TANK: variants seen among roughly 807,000 people sequenced by gnomAD.
TANK encodes the protein TRAF family member-associated NF-kappa-B activator.
In TANK, 15 loss-of-function variants were observed where a neutral mutation model predicts 43.6. The ratio of observed to expected loss-of-function variants is 0.34; its 90% CI spans 0.23 to 0.53. The LOEUF (loss-of-function observed/expected upper bound fraction) is 0.53, where lower values mean the gene tolerates loss of function less well. Among genes scored for constraint, TANK ranks in the 20% least tolerant of loss-of-function variants. TANK has a pLI of 0.94. For synonymous variants in TANK, 162 were observed against 178.2 expected, an observed-to-expected ratio of 0.91 and a Z score of 0.73; for missense variants, 417 against 498.6, an observed-to-expected ratio of 0.84 and a Z score of 1.56.
At chr2:161,187,352 C>T (rs1287018380) in intron 2 of TANK, among the ~76,000 whole-genome samples, 1 of 152,106 alleles carries the variant, frequency 6.6e-6, no homozygotes, top group Non-Finnish European at 1.5e-5. Context: ...TTGGTTGAGC[C>T]CTAGAAGTGG....
At chr2:161,173,597 A>G (rs1019865973) in intron 1 of TANK, among the ~76,000 whole-genome samples, 4 of 151,038 alleles carry the variant, frequency 2.6e-5, no homozygotes, top group Admixed American at 1.3e-4. Context: ...AAATGCTTAT[A>G]CCTGTGCTAC....
At chr2:161,200,589 AC>A in intron 2 of TANK, 1 of 958,762 alleles carries the variant, frequency 1.0e-6, no homozygotes, top group Non-Finnish European at 1.2e-6. Flanking sequence ...CTTTTTTCTA[AC>A]GGTATAAGCT....
chr2:161,181,624 G>C (rs775973159), intron 2 of TANK, among the ~76,000 whole-genome samples: 1 of 152,068 alleles, frequency 6.6e-6, no homozygotes, highest in Admixed American at 6.6e-5. Flanking sequence ...AAGGAGGGGG[G>C]GATGTGCCAC....
intron 1 of TANK, chr2:161,160,773 C>A: frequency 1.8e-6 from 1 of 563,386 alleles, no homozygotes; most frequent in Non-Finnish European, 3.5e-6. Context: ...AGGGACTCGT[C>A]CCGGCTGCTT....
At chr2:161,141,283 C>G (rs1295641732) in intron 1 of TANK, among the ~76,000 whole-genome samples, 1 of 152,154 alleles carries the variant, frequency 6.6e-6, no homozygotes, top group Non-Finnish European at 1.5e-5. Context: ...TGCATATATT[C>G]TGAATGTTTC....
In TANK at chr2:161,235,962, A is replaced by C. The variant is rs1314297864; in HGVS notation, c.*444A>C. 1.3e-5 allele frequency: 2 copies of C among 152,530 alleles called. No homozygotes were observed. The highest frequency in any genetic ancestry group is 6.5e-5 in the Admixed American group (1 of 15,318). The allele number at this position is 152,530 out of a possible 1,614,324, so 9.4% of individuals were successfully genotyped here. Reference sequence around the variant, plus strand: ...ATTGAAAAATTTAATTATTTATGCTATAGGTGATATTCTCTTTGAATAAAC... The same window carrying C: ...ATTGAAAAATTTAATTATTTATGCTCTAGGTGATATTCTCTTTGAATAAAC... On this transcript the variant is annotated 3_prime_UTR_variant, in exon 8 of 8. Coordinates refer to ENST00000392749, the MANE Select transcript of TANK (RefSeq NM_001199135.3).
intron 7 of TANK, among the ~76,000 whole-genome samples, chr2:161,235,059 G>T (rs1688114863): frequency 6.7e-6 from 1 of 150,288 alleles, no homozygotes; most frequent in African/African-American, 2.5e-5. Context: ...TTGTGATCGA[G>T]TATTAAAAAT....
intron 2 of TANK, among the ~76,000 whole-genome samples, chr2:161,189,893 T>G (rs1335648296): frequency 6.6e-6 from 1 of 152,032 alleles, no homozygotes; most frequent in African/African-American, 2.4e-5. Flanking sequence ...AGAAGAAATC[T>G]TAGGGGGAAA....
intron 1 of TANK, among the ~76,000 whole-genome samples, chr2:161,143,908 C>A (rs1683825655): frequency 6.6e-6 from 1 of 151,980 alleles, no homozygotes; most frequent in South Asian, 2.1e-4. Flanking sequence ...CTCTTTGTAC[C>A]TCTGGTAGAA....
intron 1 of TANK, among the ~76,000 whole-genome samples, chr2:161,167,249 G>A (rs1019293906): frequency 2.6e-5 from 4 of 152,142 alleles, no homozygotes; most frequent in African/African-American, 9.7e-5. Context: ...CTCTTCAAAC[G>A]TGGAATTCCA....
intron 4 of TANK, chr2:161,212,603 T>A: frequency 1.0e-6 from 1 of 985,414 alleles, no homozygotes; most frequent in South Asian, 4.7e-5. Flanking sequence ...CCTTCTAAAT[T>A]GTCTTTCCTA....
chr2:161,230,448 T>G (rs1208220174), intron 6 of TANK, among the ~76,000 whole-genome samples: 1 of 152,258 alleles, frequency 6.6e-6, no homozygotes, highest in Non-Finnish European at 1.5e-5. Context: ...CTTCACTGTC[T>G]TCTTTTTCCC....
intron 2 of TANK, among the ~76,000 whole-genome samples, chr2:161,187,871 C>T (rs1685735853): frequency 6.6e-6 from 1 of 151,904 alleles, no homozygotes; most frequent in Non-Finnish European, 1.5e-5. Flanking sequence ...TTTCTAATCA[C>T]AATGAAATGA....
chr2:161,180,578 A>G (rs897423733), intron 2 of TANK, among the ~76,000 whole-genome samples: 3 of 152,176 alleles, frequency 2.0e-5, no homozygotes, highest in South Asian at 2.1e-4. Context: ...TTATTAACAT[A>G]TACTTTTGTG....
At chr2:161,211,195 C>T (rs1326116319) in intron 4 of TANK, among the ~76,000 whole-genome samples, 1 of 152,174 alleles carries the variant, frequency 6.6e-6, no homozygotes, top group Non-Finnish European at 1.5e-5. Flanking sequence ...AGTACATGAA[C>T]TTGAACTCTG....
chr2:161,167,963 G>A (rs1441856387), intron 1 of TANK, among the ~76,000 whole-genome samples: 1 of 152,028 alleles, frequency 6.6e-6, no homozygotes, highest in Non-Finnish European at 1.5e-5. Flanking sequence ...CAAAGAATGG[G>A]CTGATACTAA....
At chr2:161,150,741 C>T (rs1023157853) in intron 1 of TANK, among the ~76,000 whole-genome samples, 2 of 151,960 alleles carry the variant, frequency 1.3e-5, no homozygotes, top group Non-Finnish European at 2.9e-5. Context: ...CACACGCATA[C>T]CACCACACCG....
chr2:161,201,548 A>G (rs1199882658), intron 2 of TANK, among the ~76,000 whole-genome samples: 7 of 152,200 alleles, frequency 4.6e-5, no homozygotes. Flanking sequence ...TACCTATCAA[A>G]ATAAAGTGAA....
In TANK at chr2:161,224,617, A is replaced by AT. The variant is rs551273211; in HGVS notation, c.405-3dup. 40,822 of 974,334 alleles carry AT rather than the reference A, an allele frequency of 0.042. No individual in the cohort carries two copies. The highest frequency in any genetic ancestry group is 0.051 in the South Asian group (2,493 of 48,772). The allele number at this position is 974,334 out of a possible 1,614,324, so 60.4% of individuals were successfully genotyped here. A position where few individuals can be genotyped will look rare whatever the true frequency, so the allele number is the denominator to read the frequency against. ...TATAGCTTTACATTTTAAAATGTTG[A>AT]TTTTTTTTTTTAGGGGTAATATAGA... On this transcript the variant is annotated splice_polypyrimidine_tract_variant and intron_variant, in intron 5 of 7. Transcript: ENST00000392749.
Sources: gnomAD v4.1 joint callset for allele counts (sites outside exome capture counted in the v4.1 genomes callset) on GRCh38, gnomAD v4.1.1 for gene constraint, MANE v1.5 for transcripts, NCBI Gene and HGNC (gene_info 2026-07-23, HGNC 2026-07-21) for gene names.